CDIN1: variants seen among roughly 807,000 people sequenced by gnomAD.
CDIN1 encodes CDAN1 interacting nuclease 1.
Under a neutral mutation model 45.3 loss-of-function variants are expected in CDIN1, and 33 were observed. The observed-to-expected ratio is 0.73, with a 90% CI of 0.55 to 0.97. The LOEUF (loss-of-function observed/expected upper bound fraction) is 0.97, where lower values mean the gene tolerates loss of function less well. Among genes scored for constraint, CDIN1 ranks in the 50% least tolerant of loss-of-function variants. The pLI, the probability that CDIN1 is intolerant of heterozygous loss-of-function variation, is 0.00. For missense variants in CDIN1, 303 were observed against 339.4 expected (o/e 0.89, Z 0.84); for synonymous variants, 118 against 124.4 (o/e 0.95, Z 0.34).
intron 10 of CDIN1, among the ~76,000 whole-genome samples, chr15:36,717,276 C>T (rs1460801360): frequency 1.3e-5 from 2 of 152,036 alleles, no homozygotes; most frequent in Non-Finnish European, 2.9e-5. Context: ...AGTGAGCATA[C>T]CTGCCACCCC....
At chr15:36,736,853 C>A (rs1394398134) in intron 10 of CDIN1, among the ~76,000 whole-genome samples, 1 of 152,228 alleles carries the variant, frequency 6.6e-6, no homozygotes, top group East Asian at 1.9e-4. Flanking sequence ...ATGCCTCACA[C>A]CCTTTTTAAT....
At chr15:36,726,433 G>A (rs1391408609) in intron 10 of CDIN1, among the ~76,000 whole-genome samples, 1 of 151,946 alleles carries the variant, frequency 6.6e-6, no homozygotes, top group Non-Finnish European at 1.5e-5. Context: ...GCTTGCCCAG[G>A]GCCTAGTCAC....
chr15:36,745,477 A>G (rs1280548331), intron 10 of CDIN1, among the ~76,000 whole-genome samples: 1 of 152,212 alleles, frequency 6.6e-6, no homozygotes, highest in Non-Finnish European at 1.5e-5. Flanking sequence ...GGTTCACTGT[A>G]GAGAACTCTG....
At chr15:36,617,101 G>T in intron 1 of CDIN1, 1 of 842,246 alleles carries the variant, frequency 1.2e-6, no homozygotes, top group South Asian at 1.3e-5. Context: ...GTTGTTTTTC[G>T]TGGAGCAGGT....
intron 3 of CDIN1, among the ~76,000 whole-genome samples, chr15:36,647,109 A>C (rs2040365174): frequency 7.0e-6 from 1 of 142,854 alleles, no homozygotes; most frequent in Non-Finnish European, 1.5e-5. Flanking sequence ...CTGCAGCCTC[A>C]ACCTCCTGGC....
At chr15:36,714,618 G>T (rs1368886505) in intron 10 of CDIN1, among the ~76,000 whole-genome samples, 1 of 152,172 alleles carries the variant, frequency 6.6e-6, no homozygotes, top group South Asian at 2.1e-4. Flanking sequence ...CCGTGTGTCA[G>T]TGCAGGGAGA....
chr15:36,666,115 A>G (rs1334094925), intron 5 of CDIN1, among the ~76,000 whole-genome samples: 2 of 152,114 alleles, frequency 1.3e-5, no homozygotes, highest in Non-Finnish European at 2.9e-5. Flanking sequence ...TGCTCTTTTT[A>G]ATAAAGGGCT....
chr15:36,676,526 A>T (rs1388366630), intron 5 of CDIN1, among the ~76,000 whole-genome samples: 1 of 152,200 alleles, frequency 6.6e-6, no homozygotes, highest in Non-Finnish European at 1.5e-5. Context: ...CCCTTGTCTC[A>T]TTGAATAATA....
At chr15:36,642,488 A>G (rs1455747265) in intron 1 of CDIN1, among the ~76,000 whole-genome samples, 1 of 152,234 alleles carries the variant, frequency 6.6e-6, no homozygotes, top group Admixed American at 6.5e-5. Flanking sequence ...CCTCTCGGCC[A>G]TAGAAAACTG....
chr15:36,726,280 G>C (rs1341532359), intron 10 of CDIN1, among the ~76,000 whole-genome samples: 1 of 152,082 alleles, frequency 6.6e-6, no homozygotes, highest in African/African-American at 2.4e-5. Flanking sequence ...GTCACTGGGA[G>C]CTAATGCCCA....
intron 4 of CDIN1, 76 bp downstream of exon 4, chr15:36,654,234 T>A (rs900565781): frequency 1.5e-5 from 18 of 1,227,408 alleles, no homozygotes; most frequent in Middle Eastern, 2.2e-4. Context: ...TTGCTTACAA[T>A]TATAACTACC....
intron 5 of CDIN1, among the ~76,000 whole-genome samples, chr15:36,660,575 G>A (rs908997955): frequency 4.6e-5 from 7 of 152,018 alleles, no homozygotes; most frequent in African/African-American, 7.3e-5. Flanking sequence ...GGTTTCTCAC[G>A]CGATAATTTT....
chr15:36,755,897 A>C (rs2053597872), intron 10 of CDIN1: 1 of 317,116 alleles, frequency 3.2e-6, no homozygotes, highest in African/African-American at 2.2e-5. Context: ...GGTTGAATAT[A>C]GAATGTAACT....
intron 10 of CDIN1, among the ~76,000 whole-genome samples, chr15:36,784,437 A>G (rs184057791): frequency 6.6e-6 from 1 of 152,340 alleles, no homozygotes; most frequent in East Asian, 1.9e-4. Context: ...AGGACTACAC[A>G]TGTAACTCCC....
chr15:36,794,439 T>C (rs1406081834), intron 10 of CDIN1, among the ~76,000 whole-genome samples: 1 of 152,186 alleles, frequency 6.6e-6, no homozygotes, highest in Non-Finnish European at 1.5e-5. Flanking sequence ...CCCATACTCA[T>C]TAAACACTAA....
At chr15:36,647,616 T>G (rs1256896845) in intron 3 of CDIN1, 1 of 152,160 alleles carries the variant, frequency 6.6e-6, no homozygotes, top group Non-Finnish European at 1.5e-5. Context: ...TCAGTAGCCT[T>G]TTGTTGGAAA....
intron 1 of CDIN1, among the ~76,000 whole-genome samples, chr15:36,642,448 C>G (rs891002115): frequency 2.0e-5 from 3 of 152,180 alleles, no homozygotes; most frequent in East Asian, 3.9e-4. Flanking sequence ...GTTTTTACCC[C>G]CAGTGTAAGC....
chr15:36,618,083 C>T (rs994678251), intron 1 of CDIN1: 2 of 742,676 alleles, frequency 2.7e-6, no homozygotes, highest in African/African-American at 1.7e-5. Flanking sequence ...AAATCCTACA[C>T]CTTACTTTGA....
At chr15:36,630,309 T>G (rs2039625650) in intron 1 of CDIN1, among the ~76,000 whole-genome samples, 1 of 152,178 alleles carries the variant, frequency 6.6e-6, no homozygotes, top group Non-Finnish European at 1.5e-5. Flanking sequence ...CGCAGTTTTT[T>G]GATAAAACTC....
Sources: gnomAD v4.1 joint callset for allele counts (sites outside exome capture counted in the v4.1 genomes callset) on GRCh38, gnomAD v4.1.1 for gene constraint, MANE v1.5 for transcripts, NCBI Gene and HGNC (gene_info 2026-07-23, HGNC 2026-07-21) for gene names.